The following ZNF91 variants were observed in gnomAD, a reference collection of about 807,000 sequenced individuals.
ZNF91 encodes the protein zinc finger protein 91 (HPF7, HTF10).
A neutral mutation model predicts 12.6 loss-of-function variants in ZNF91; 7 were observed. That is an observed-to-expected ratio of 0.55 (90% CI 0.31 to 1.04). The LOEUF (loss-of-function observed/expected upper bound fraction) is 1.04. Among genes scored for constraint, ZNF91 ranks in the 50% least tolerant of loss-of-function variants. ZNF91 has a pLI of 0.05. For missense variants in ZNF91, 1,217 were observed against 1,385.4 expected, an observed-to-expected ratio of 0.88 and a Z score of 1.93; for synonymous variants, 453 against 462.6, an observed-to-expected ratio of 0.98 and a Z score of 0.27.
In ZNF91 at chr19:23,362,120, T is replaced by C; in HGVS notation, c.859A>G (p.Ile287Val). The C allele has an allele frequency of 6.2e-7, 1 of 1,614,062 alleles. No homozygotes were observed. Among genetic ancestry groups the C allele is most frequent in the Non-Finnish European group, 8.5e-7 (1 of 1,179,988 alleles). Reference protein sequence around the residue: ...WSSTLTRHKRIHTGEKPYKCE... With the variant: ...WSSTLTRHKRVHTGEKPYKCE... ...TTGTAGGGTTTCTCTCCAGTGTGTA[T>C]CCTCTTATGTCTAGTTAGGGTTGAG... Residue 287 changes from isoleucine (I) to valine (V), a missense_variant, in exon 4 of 4, where the codon ATA becomes GTA. Coordinates refer to ENST00000300619, the MANE Select transcript of ZNF91 (RefSeq NM_003430.4).
downstream of ZNF91, chr19:23,338,263 A>G (rs1360391724): frequency 6.6e-6 from 1 of 152,166 alleles, no homozygotes; most frequent in African/African-American, 2.4e-5. Context: ...AAAATAAGCA[A>G]AAGAAAAGCA....
chr19:23,393,973 G>A (rs1970151480), intron 1 of ZNF91, among the ~76,000 whole-genome samples: 1 of 152,098 alleles, frequency 6.6e-6, no homozygotes, highest in African/African-American at 2.4e-5. Context: ...ACTCCAGCCT[G>A]GGTGACAGAG....
chr19:23,387,943 A>T (rs1402939301), intron 1 of ZNF91, among the ~76,000 whole-genome samples: 1 of 109,364 alleles, frequency 9.1e-6, no homozygotes, highest in East Asian at 6.4e-4. Context: ...GACTGTCTCA[A>T]AAAAAAAAAA....
intron 1 of ZNF91, among the ~76,000 whole-genome samples, chr19:23,323,686 T>C (rs1337238362): frequency 8.5e-6 from 1 of 117,824 alleles, no homozygotes; most frequent in African/African-American, 3.6e-5. Context: ...CCTCCTCTAC[T>C]TCTCCTTCTT....
At chr19:23,315,927 C>A (rs558433751) in intron 1 of ZNF91, among the ~76,000 whole-genome samples, 40 of 152,254 alleles carry the variant, frequency 2.6e-4, no homozygotes, top group African/African-American at 8.4e-4. Context: ...TCCCTGGATG[C>A]AGCACCTAGG....
chr19:23,375,287 G>T (rs1969465995), intron 1 of ZNF91, among the ~76,000 whole-genome samples: 1 of 152,054 alleles, frequency 6.6e-6, no homozygotes, highest in South Asian at 2.1e-4. Flanking sequence ...AGCCTCCCGA[G>T]TAGCAGGGAC....
chr19:23,342,062 A>G (rs1002460669), intron 3 of ZNF91: 1 of 326,288 alleles, frequency 3.1e-6, no homozygotes, highest in Admixed American at 4.8e-5. Flanking sequence ...CTTTTTAGGA[A>G]ACCTTTCCAT....
At chr19:23,318,178 A>G (rs1193230917) in intron 1 of ZNF91, among the ~76,000 whole-genome samples, 1 of 152,176 alleles carries the variant, frequency 6.6e-6, no homozygotes, top group African/African-American at 2.4e-5. Flanking sequence ...AGGCATTGTG[A>G]CACCCAAGTT....
intron 1 of ZNF91, among the ~76,000 whole-genome samples, chr19:23,329,898 C>T (rs1216533575): frequency 6.6e-6 from 1 of 152,178 alleles, no homozygotes; most frequent in Non-Finnish European, 1.5e-5. Context: ...TCAAGGCATG[C>T]CTCAACTACT....
chr19:23,322,236 G>A (rs1457466857), intron 1 of ZNF91, among the ~76,000 whole-genome samples: 6 of 152,150 alleles, frequency 3.9e-5, no homozygotes, highest in Non-Finnish European at 7.3e-5. Flanking sequence ...CTCAAACCTA[G>A]GTGATGTGGC....
intron 1 of ZNF91, among the ~76,000 whole-genome samples, chr19:23,392,721 T>A (rs536851476): frequency 6.6e-6 from 1 of 151,434 alleles, no homozygotes; most frequent in Admixed American, 6.6e-5. Context: ...AATGTTTGAA[T>A]CCAGGAGGCA....
At chr19:23,321,968 G>A (rs1287311191) in intron 1 of ZNF91, among the ~76,000 whole-genome samples, 4 of 152,176 alleles carry the variant, frequency 2.6e-5, no homozygotes, top group African/African-American at 9.7e-5. Context: ...TATTTGATGT[G>A]TATCTCTTCT....
At chr19:23,344,558 C>T (rs775638298) in intron 3 of ZNF91, among the ~76,000 whole-genome samples, 5 of 152,168 alleles carry the variant, frequency 3.3e-5, no homozygotes, top group Non-Finnish European at 5.9e-5. Context: ...TTTACATACA[C>T]ATCTTTCTAA....
At chr19:23,375,620 G>C (rs553413096) in intron 1 of ZNF91, among the ~76,000 whole-genome samples, 5 of 152,116 alleles carry the variant, frequency 3.3e-5, no homozygotes, top group African/African-American at 1.2e-4. Context: ...CAAACATCCA[G>C]TAAGTGGAAC....
chr19:23,314,348 C>G (rs760374047), upstream of ZNF91, among the ~76,000 whole-genome samples: 26 of 152,150 alleles, frequency 1.7e-4, no homozygotes, highest in South Asian at 4.1e-4. Flanking sequence ...TTCTTTTCTT[C>G]CTGGGCTCTG....
chr19:23,395,313 T>C lies in ZNF91; in HGVS notation c.30+12A>G. 6.2e-7 allele frequency: 1 copy of C among 1,613,538 alleles called. No individual in the cohort carries two copies. The highest frequency in any genetic ancestry group is 8.5e-7 in the Non-Finnish European group (1 of 1,179,746). On this transcript the variant is annotated intron_variant, in intron 1 of 3. Transcript: ENST00000300619. ...GTTCCCTCTCTCGGGACGTCGCACCTGGCAGTCTCACCATTTCTAGGCTTC... is the reference window on the plus strand; with the variant it reads ...GTTCCCTCTCTCGGGACGTCGCACCCGGCAGTCTCACCATTTCTAGGCTTC...
upstream of ZNF91, among the ~76,000 whole-genome samples, chr19:23,313,780 G>A (rs1338268428): frequency 6.6e-6 from 1 of 152,180 alleles, no homozygotes; most frequent in East Asian, 1.9e-4. Context: ...TCACAGGTGG[G>A]TTGGTGAATC....
At chr19:23,363,425 A>G (rs573783191) in intron 3 of ZNF91, among the ~76,000 whole-genome samples, 2 of 152,356 alleles carry the variant, frequency 1.3e-5, no homozygotes, top group African/African-American at 4.8e-5. Context: ...AAACAGGCAT[A>G]GCAAGTGATT....
chr19:23,336,275 CAAAAG>C (rs1217664763), downstream of ZNF91, among the ~76,000 whole-genome samples: 5 of 152,074 alleles, frequency 3.3e-5, no homozygotes, highest in African/African-American at 1.2e-4. Context: ...GTTTAATAGG[CAAAAG>C]AAAGAGAAAG....
Sources: allele counts gnomAD v4.1 joint callset (sites outside exome capture counted in the v4.1 genomes callset), GRCh38; gene constraint gnomAD v4.1.1; transcripts MANE v1.5; gene names NCBI Gene and HGNC (gene_info 2026-07-23, HGNC 2026-07-21).